The following EYS variants were observed in gnomAD, a reference collection of about 807,000 sequenced individuals.
The protein encoded by EYS is protein eyes shut homolog.
EYS carries 250 observed loss-of-function variants against 282.1 expected under a neutral mutation model. The observed-to-expected ratio is 0.89, with a 90% CI of 0.80 to 0.98. EYS has a LOEUF of 0.98. EYS is among the 50% of genes least tolerant of loss of function. The pLI, the probability that EYS is intolerant of heterozygous loss-of-function variation, is 0.00. For synonymous variants in EYS, 1,355 were observed against 1,282.9 expected, an observed-to-expected ratio of 1.06 and a Z score of -1.20; for missense variants, 4,016 against 3,709.0, an observed-to-expected ratio of 1.08 and a Z score of -2.15.
chr6:64,525,576 G>C (rs188318142), intron 26 of EYS, among the ~76,000 whole-genome samples: 1 of 151,574 alleles, frequency 6.6e-6, no homozygotes, highest in African/African-American at 2.4e-5. Flanking sequence ...TTGGTACTGG[G>C]CTTAGTACCT....
intron 13 of EYS, among the ~76,000 whole-genome samples, chr6:65,005,482 C>T (rs1400473235): frequency 1.4e-5 from 2 of 147,506 alleles, no homozygotes; most frequent in African/African-American, 4.9e-5. Context: ...TGAGCAAGGA[C>T]CACCCGGTAA....
chr6:64,755,639 T>C (rs1772912462), intron 22 of EYS, among the ~76,000 whole-genome samples: 2 of 151,878 alleles, frequency 1.3e-5, no homozygotes, highest in South Asian at 4.1e-4. Flanking sequence ...ACATAATTCA[T>C]AAACAGAATG....
At chr6:63,826,845 C>CAAAAAAAAAAAAAAAAAAAAGAAAAAAAG (rs59957107) in intron 36 of EYS, among the ~76,000 whole-genome samples, 1 of 76,762 alleles carries the variant, frequency 1.3e-5, no homozygotes, top group African/African-American at 5.1e-5. Flanking sequence ...AGTTAAAAAG[C>CAAAAAAAAAAAAAAAAAAAAGAAAAAAAG]AAAAAAAAAA....
chr6:64,151,329 A>ATATATATATATATATTTATATATATC (rs1774711188), intron 31 of EYS, among the ~76,000 whole-genome samples: 1 of 96,074 alleles, frequency 1.0e-5, no homozygotes, highest in Admixed American at 9.5e-5. Flanking sequence ...ATATATATAT[A>ATATATATATATATATTTATATATATC]TATATATATA....
chr6:64,330,579 A>G (rs1368791972), intron 29 of EYS, among the ~76,000 whole-genome samples: 1 of 152,180 alleles, frequency 6.6e-6, no homozygotes, highest in Non-Finnish European at 1.5e-5. Flanking sequence ...TCTTGGTACA[A>G]AAACTAGGGT....
chr6:64,228,562 A>T (rs1766321580), intron 31 of EYS, among the ~76,000 whole-genome samples: 1 of 152,214 alleles, frequency 6.6e-6, no homozygotes, highest in Non-Finnish European at 1.5e-5. Context: ...AATACTCTAT[A>T]GATTACTTAA....
chr6:64,827,316 T>G (rs1765089659), intron 19 of EYS, among the ~76,000 whole-genome samples: 1 of 151,892 alleles, frequency 6.6e-6, no homozygotes, highest in South Asian at 2.1e-4. Flanking sequence ...TTTTGATATC[T>G]CCCATTGCAT....
At chr6:64,796,070 C>T (rs945061648) in intron 22 of EYS, among the ~76,000 whole-genome samples, 7 of 152,100 alleles carry the variant, frequency 4.6e-5, no homozygotes, top group Non-Finnish European at 8.8e-5. Context: ...AAACTGCTCA[C>T]GCATGAAACA....
rs869129603 is a variant in EYS, at chr6:65,598,238, ACC to A, written c.-333+41538_-333+41539del. ...ATTGAGAAGACCCTCCTCCCCACCC[ACC>A]CCCCCCCCAAAAAAAAAAACAAAAA... On this transcript the variant is annotated intron_variant, in intron 2 of 42. Coordinates refer to ENST00000503581, the MANE Select transcript of EYS (RefSeq NM_001142800.2). 8.3e-3 allele frequency among the ~76,000 whole-genome samples: 121 copies of A among 14,502 alleles called. 17 individuals carry two copies. Among genetic ancestry groups the A allele is most frequent in the African/African-American group, 0.022 (96 of 4,272 alleles). The allele number at this position is 14,502 out of a possible 152,430, so 9.5% of individuals were successfully genotyped here.
intron 12 of EYS, among the ~76,000 whole-genome samples, chr6:65,122,766 A>G (rs1775598614): frequency 6.6e-6 from 1 of 152,138 alleles, no homozygotes; most frequent in Admixed American, 6.5e-5. Context: ...TTACTCTTAA[A>G]TCTGAGTAAA....
chr6:63,858,724 A>C (rs1772455882), intron 36 of EYS, among the ~76,000 whole-genome samples: 1 of 152,190 alleles, frequency 6.6e-6, no homozygotes, highest in African/African-American at 2.4e-5. Context: ...ATGGTGGGAA[A>C]TGAGGGATAC....
intron 33 of EYS, among the ~76,000 whole-genome samples, chr6:64,034,795 T>C (rs1233190522): frequency 6.6e-6 from 1 of 151,810 alleles, no homozygotes; most frequent in African/African-American, 2.4e-5. Context: ...CAATCAAGCA[T>C]ACAGTGAATA....
At chr6:64,453,052 C>T (rs951249495) in intron 26 of EYS, among the ~76,000 whole-genome samples, 10 of 152,158 alleles carry the variant, frequency 6.6e-5, no homozygotes, top group Admixed American at 2.0e-4. Context: ...CAAAAGAAAC[C>T]ACCATCAGAG....
chr6:65,015,838 T>C (rs1772028020), intron 13 of EYS, among the ~76,000 whole-genome samples: 1 of 115,104 alleles, frequency 8.7e-6, no homozygotes. Context: ...ACTGAGACCA[T>C]CCTGGCCAAC....
At chr6:64,911,216 A>G (rs1289627751) in intron 16 of EYS, among the ~76,000 whole-genome samples, 20 of 151,972 alleles carry the variant, frequency 1.3e-4, no homozygotes, top group Admixed American at 1.3e-3. Context: ...TAATTACTAA[A>G]TTTTTCTGGG....
intron 35 of EYS, among the ~76,000 whole-genome samples, chr6:63,882,460 A>C (rs1773157201): frequency 1.3e-5 from 2 of 152,192 alleles, no homozygotes; most frequent in Admixed American, 1.3e-4. Flanking sequence ...TGCCTCGACC[A>C]GAGTTAGTTT....
At position 65,513,892 on chromosome 6, in the gene EYS, G is replaced by T. The variant is rs566089297; in HGVS notation, c.-332-17899C>A. Among the ~76,000 whole-genome samples the T allele has an allele frequency of 6.6e-5, 10 of 152,310 alleles. No individual in the cohort carries two copies. The East Asian group carries it at 1.2e-3, about 18-fold the overall frequency. Reference sequence around the variant, plus strand: ...TTGAAAACTGGCACAAGACAGGGCTGCCCTCTCTCACCACTCCTATTCAAC... The same window carrying T: ...TTGAAAACTGGCACAAGACAGGGCTTCCCTCTCTCACCACTCCTATTCAAC... On this transcript the variant is annotated intron_variant, in intron 2 of 42. Coordinates refer to ENST00000503581, the MANE Select transcript of EYS (RefSeq NM_001142800.2).
chr6:63,795,642 G>A (rs185128907), intron 37 of EYS, among the ~76,000 whole-genome samples: 34 of 152,194 alleles, frequency 2.2e-4, no homozygotes, highest in African/African-American at 7.0e-4. Flanking sequence ...GGATTTTTCC[G>A]TAGGTGGTTT....
At chr6:65,201,558 T>C (rs561727321) in intron 12 of EYS, among the ~76,000 whole-genome samples, 2 of 152,314 alleles carry the variant, frequency 1.3e-5, no homozygotes, top group South Asian at 4.1e-4. Flanking sequence ...TCCACCATCT[T>C]ATGCTAATGT....
Sources: gnomAD v4.1 joint callset for allele counts (sites outside exome capture counted in the v4.1 genomes callset) on GRCh38, gnomAD v4.1.1 for gene constraint, MANE v1.5 for transcripts, NCBI Gene and HGNC (gene_info 2026-07-23, HGNC 2026-07-21) for gene names.